Variants in MEGF6 observed in about 807,000 individuals in gnomAD.
MEGF6 encodes multiple epidermal growth factor-like domains protein 6.
Under a neutral mutation model 207.1 loss-of-function variants are expected in MEGF6, and 184 were observed. That is an observed-to-expected ratio of 0.89 (90% CI 0.79 to 1.00). The LOEUF (loss-of-function observed/expected upper bound fraction) is 1.00. Among genes scored for constraint, MEGF6 ranks in the 50% least tolerant of loss-of-function variants. MEGF6 has a pLI of 0.00. For missense variants in MEGF6, 2,282 were observed against 2,202.9 expected (o/e 1.04, Z -0.72); for synonymous variants, 1,038 against 910.0 (o/e 1.14, Z -2.53).
intron 4 of MEGF6, among the ~76,000 whole-genome samples, chr1:3,557,803 G>A (rs79376744): frequency 0.011 from 1,600 of 152,340 alleles, 35 homozygotes; most frequent in African/African-American, 0.036. Flanking sequence ...GAAGCGGCCC[G>A]TGGGCAGACG....
chr1:3,619,649 C>T, the MEGF6 span, among the ~76,000 whole-genome samples: 4 of 148,816 alleles, frequency 2.7e-5, no homozygotes, highest in South Asian at 2.1e-4. Flanking sequence ...CTTCATCTTC[C>T]GCCATGACTG....
At chr1:3,580,000 G>A in intron 3 of MEGF6, 71 bp from the exon 4 acceptor site, 1 of 1,169,540 alleles carries the variant, frequency 8.6e-7, no homozygotes, top group Non-Finnish European at 1.2e-6. Context: ...AGGCCTGAGG[G>A]TCTCTCGGGC....
chr1:3,577,741 C>A (rs1350248029), intron 4 of MEGF6, among the ~76,000 whole-genome samples: 2 of 152,208 alleles, frequency 1.3e-5, no homozygotes, highest in Non-Finnish European at 2.9e-5. Flanking sequence ...TGCACCCCAC[C>A]CCCAAGCACC....
intron 4 of MEGF6, among the ~76,000 whole-genome samples, chr1:3,535,464 C>G (rs943455363): frequency 6.6e-6 from 1 of 152,250 alleles, no homozygotes; most frequent in East Asian, 1.9e-4. Context: ...CTCCAGAAGG[C>G]TGCATCCAAC....
At chr1:3,505,857 C>A (rs1641094469) in intron 15 of MEGF6, among the ~76,000 whole-genome samples, 1 of 152,224 alleles carries the variant, frequency 6.6e-6, no homozygotes. Flanking sequence ...AGCCCTACCA[C>A]CCATCAAGGC....
chr1:3,527,869 G>A (rs1339205013), intron 4 of MEGF6, among the ~76,000 whole-genome samples: 1 of 152,200 alleles, frequency 6.6e-6, no homozygotes, highest in African/African-American at 2.4e-5. Context: ...CAGCATCCCA[G>A]CCGGGTTCGG....
At chr1:3,537,955 A>G (rs1642384962) in intron 4 of MEGF6, among the ~76,000 whole-genome samples, 1 of 152,158 alleles carries the variant, frequency 6.6e-6, no homozygotes, top group African/African-American at 2.4e-5. Flanking sequence ...AGCAAGGGGC[A>G]CAGGGCTGCA....
chr1:3,531,323 A>C (rs1458374771), intron 4 of MEGF6: 1 of 1,233,082 alleles, frequency 8.1e-7, no homozygotes, highest in African/African-American at 1.6e-5. Flanking sequence ...GCGACGGGGC[A>C]GGCGGCTCGG....
At chr1:3,500,552 G>A in intron 21 of MEGF6, 81 bp downstream of exon 21, 1 of 1,468,134 alleles carries the variant, frequency 6.8e-7, no homozygotes, top group Non-Finnish European at 9.0e-7. Context: ...ACGGTCAAAG[G>A]CTTTGTGTGT....
At chr1:3,496,579 T>A in intron 29 of MEGF6, 76 bp downstream of exon 29, 1 of 1,521,080 alleles carries the variant, frequency 6.6e-7, no homozygotes, top group Non-Finnish European at 8.9e-7. Context: ...TCGGGGGCCA[T>A]CCTCCTGCAG....
chr1:3,563,104 T>C (rs1320271631), intron 4 of MEGF6, among the ~76,000 whole-genome samples: 4 of 152,160 alleles, frequency 2.6e-5, no homozygotes, highest in Non-Finnish European at 5.9e-5. Flanking sequence ...GCCTGCTCTG[T>C]TGAGCAGCCC....
chr1:3,492,221 A>G (rs1472212851), intron 35 of MEGF6, among the ~76,000 whole-genome samples: 3 of 151,854 alleles, frequency 2.0e-5, no homozygotes, highest in African/African-American at 7.3e-5. Flanking sequence ...GCACAGACAC[A>G]CCCTCACACC....
intron 14 of MEGF6, 75 bp downstream of exon 14, chr1:3,507,720 G>A (rs957811300): frequency 4.0e-5 from 64 of 1,587,254 alleles, no homozygotes; most frequent in African/African-American, 1.1e-4. Context: ...CAAGGAGGAC[G>A]TGGAGGGGTG....
At chr1:3,544,662 T>C (rs1206322491) in intron 4 of MEGF6, among the ~76,000 whole-genome samples, 1 of 152,084 alleles carries the variant, frequency 6.6e-6, no homozygotes, top group Non-Finnish European at 1.5e-5. Flanking sequence ...GTCTTGGGCC[T>C]CTCACTCTGC....
At chr1:3,592,029 G>T (rs1643988028) in intron 3 of MEGF6, among the ~76,000 whole-genome samples, 1 of 152,188 alleles carries the variant, frequency 6.6e-6, no homozygotes, top group Non-Finnish European at 1.5e-5. Context: ...CCACATGCTG[G>T]CTCAGGTCAG....
At chr1:3,618,172 A>G in the MEGF6 span, among the ~76,000 whole-genome samples, 1 of 152,204 alleles carries the variant, frequency 6.6e-6, no homozygotes, top group African/African-American at 2.4e-5. This position sits in a 1 kb window ranked among gnomAD's most constrained non-coding sequence, Gnocchi z 4.7. Context: ...CCTGCTGTCC[A>G]GCAGGCTTTG....
At position 3,524,163 on chromosome 1, in the gene MEGF6, G is replaced by C; in HGVS notation, c.565C>G (p.Pro189Ala). ...TPGSYLCECK[P>A]GFRLHTDSRT... ...CTGTCAGTGTGGAGCCGGAAGCCGG[G>C]CTTGCACTCACAGAGGTAGGAGCCT... is the stretch of plus-strand genomic sequence containing the variant. The change falls in exon 5 of 37, where the codon CCC becomes GCC. Residue 189 changes from proline (P) to alanine (A), a missense_variant. Transcript: ENST00000356575. The C allele has an allele frequency of 6.2e-7, 1 of 1,612,856 alleles. No homozygotes were observed. The highest frequency in any genetic ancestry group is 2.2e-5 in the East Asian group (1 of 44,866).
intron 15 of MEGF6, among the ~76,000 whole-genome samples, 177 bp downstream of exon 15, chr1:3,505,931 A>G (rs531255120): frequency 2.0e-4 from 30 of 152,348 alleles, no homozygotes; most frequent in African/African-American, 4.8e-4. Context: ...GTCACAGTCG[A>G]GAGGATGTGG....
At chr1:3,531,203 G>C in intron 4 of MEGF6, 2 of 1,503,628 alleles carry the variant, frequency 1.3e-6, no homozygotes, top group South Asian at 1.3e-5. Context: ...AGGAGCCCAA[G>C]GCACCAGAGC....
Sources: allele counts gnomAD v4.1 joint callset (sites outside exome capture counted in the v4.1 genomes callset), GRCh38; gene constraint gnomAD v4.1.1; non-coding constraint Gnocchi (gnomAD v3.1); transcripts MANE v1.5; gene names NCBI Gene and HGNC (gene_info 2026-07-23, HGNC 2026-07-21).